Variants in ELMO2 observed in about 807,000 individuals in gnomAD.
ELMO2 encodes the protein engulfment and cell motility protein 2.
ELMO2 carries 37 observed loss-of-function variants against 96.2 expected under a neutral mutation model. The ratio of observed to expected loss-of-function variants is 0.38; its 90% CI spans 0.30 to 0.51. ELMO2 has a LOEUF of 0.51. ELMO2 is among the 20% of genes least tolerant of loss of function. The probability of loss-of-function intolerance (pLI) is 0.88; values close to 1 mark genes in which losing one functional copy is unlikely to be tolerated. For synonymous variants in ELMO2, 315 were observed against 329.4 expected (o/e 0.96, Z 0.47); for missense variants, 561 against 912.6 (o/e 0.61, Z 4.96).
At chr20:46,383,279 G>T in intron 10 of ELMO2, 137 bp downstream of exon 10, 1 of 907,232 alleles carries the variant, frequency 1.1e-6, no homozygotes, top group African/African-American at 1.6e-5. Context: ...ACCCTCCTGG[G>T]CTCCAGACCA....
Position 46,389,075 on chromosome 20 carries a change from G to T in ELMO2, c.389C>A (p.Thr130Lys). ...CTTGGTTCCACTTTCCACGAGCCTTGTCAGCACAATGATGCCATCCATGTT... is the reference window on the plus strand; with the variant it reads ...CTTGGTTCCACTTTCCACGAGCCTTTTCAGCACAATGATGCCATCCATGTT... ...FINMDGIIVLTRLVESGTKLL... is the reference protein window; with the variant it reads ...FINMDGIIVLKRLVESGTKLL... Residue 130 changes from threonine to lysine, a missense_variant, in exon 7 of 22, where the codon ACA becomes AAA. Physicochemically the swap from Thr to Lys is moderately conservative, Grantham distance 78. Coordinates refer to ENST00000290246, the MANE Select transcript of ELMO2 (RefSeq NM_133171.5). The T allele has an allele frequency of 3.1e-6, 5 of 1,614,124 alleles. No homozygotes were observed. Among genetic ancestry groups the T allele is most frequent in the Non-Finnish European group, 4.2e-6 (5 of 1,180,004 alleles).
chr20:46,379,116 C>T (rs1309667865), intron 11 of ELMO2, among the ~76,000 whole-genome samples: 1 of 152,042 alleles, frequency 6.6e-6, no homozygotes, highest in Non-Finnish European at 1.5e-5. Context: ...GCCTCAGCCT[C>T]CTGAGTAGCT....
intron 8 of ELMO2, among the ~76,000 whole-genome samples, chr20:46,387,009 GAAGA>G (rs1434799174): frequency 1.3e-5 from 2 of 152,108 alleles, no homozygotes; most frequent in African/African-American, 4.8e-5. Context: ...TATACAAAAA[GAAGA>G]GAGAGCTCAG....
chr20:46,398,904 TA>T (rs2060291594), intron 1 of ELMO2, 133 bp from the exon 2 acceptor site: 1 of 152,254 alleles, frequency 6.6e-6, no homozygotes, highest in Non-Finnish European at 1.5e-5. Context: ...CTCTATATAA[TA>T]CTTCCTTAGA....
At chr20:46,391,516 G>T (rs879420399) in intron 6 of ELMO2, among the ~76,000 whole-genome samples, 2 of 152,158 alleles carry the variant, frequency 1.3e-5, no homozygotes, top group Non-Finnish European at 2.9e-5. Flanking sequence ...ACCAAGAAAA[G>T]AAGTGCCATC....
chr20:46,367,355 C>A lies in ELMO2; in HGVS notation c.*5G>T. ...TCCTGGGTACCGTCGTTTCTGGCTC[C>A]AGGCTCAGCCATAGTGATAGACAAA... On this transcript the variant is annotated 3_prime_UTR_variant, in exon 22 of 22. Coordinates refer to ENST00000290246, the MANE Select transcript of ELMO2 (RefSeq NM_133171.5). The A allele has an allele frequency of 6.6e-7, 1 of 1,508,676 alleles. No homozygotes were observed. The highest frequency in any genetic ancestry group is 1.3e-5 in the South Asian group (1 of 77,046). The allele number at this position is 1,508,676 out of a possible 1,614,324, so 93.5% of individuals were successfully genotyped here.
chr20:46,403,387 C>G (rs1025534877), intron 1 of ELMO2, among the ~76,000 whole-genome samples: 22 of 152,222 alleles, frequency 1.4e-4, no homozygotes, highest in African/African-American at 5.1e-4. Context: ...TTTCTAGTGA[C>G]TCACATGAAA....
At position 46,375,610 on chromosome 20, in the gene ELMO2, G is replaced by C. The variant is rs572535309; in HGVS notation, c.930+58C>G. On this transcript the variant is annotated intron_variant, in intron 12 of 21. Transcript: ENST00000290246. This position sits in a 1 kb window ranked among gnomAD's most constrained non-coding sequence, Gnocchi z 4.6. ...GACCAAGCACAGTGCCTGGCACATA[G>C]ACTAAGGCTGGACTGCACCACAGCC... 2.5e-6 allele frequency: 4 copies of C among 1,609,896 alleles called. No individual in the cohort carries two copies. In the East Asian group the frequency reaches 6.7e-5, roughly 27 times the overall value.
At chr20:46,393,874 A>T (rs2060200253) in intron 4 of ELMO2, 175 bp downstream of exon 4, 3 of 900,756 alleles carry the variant, frequency 3.3e-6, no homozygotes, top group Admixed American at 5.5e-5. Context: ...AAGAAGTATA[A>T]ACGTCTTAGG....
chr20:46,405,605 C>A (rs1044675780), intron 1 of ELMO2, among the ~76,000 whole-genome samples: 1 of 152,094 alleles, frequency 6.6e-6, no homozygotes, highest in Non-Finnish European at 1.5e-5. Context: ...CTGCATTTCT[C>A]GGCTGGGCGC....
intron 6 of ELMO2, among the ~76,000 whole-genome samples, chr20:46,390,341 C>A (rs909878019): frequency 6.6e-6 from 1 of 152,126 alleles, no homozygotes; most frequent in Admixed American, 6.5e-5. Flanking sequence ...TCTAAGGTCC[C>A]TTTTAATCCT....
At chr20:46,399,012 ATGT>A (rs2060293402) in intron 1 of ELMO2, among the ~76,000 whole-genome samples, 1 of 152,218 alleles carries the variant, frequency 6.6e-6, no homozygotes, top group Non-Finnish European at 1.5e-5. Flanking sequence ...GCTGTGTGGT[ATGT>A]TATTATCCCC....
At chr20:46,395,354 C>T (rs1427397237) in intron 2 of ELMO2, among the ~76,000 whole-genome samples, 3 of 152,200 alleles carry the variant, frequency 2.0e-5, no homozygotes, top group Admixed American at 2.0e-4. Flanking sequence ...CAAGCAGTAA[C>T]TAAAGCATTC....
At chr20:46,405,359 G>A (rs896094453) in intron 1 of ELMO2, among the ~76,000 whole-genome samples, 3 of 152,172 alleles carry the variant, frequency 2.0e-5, no homozygotes, top group African/African-American at 7.2e-5. Flanking sequence ...AGGAAGAGCA[G>A]ACCAGGGAGG....
Position 46,375,408 on chromosome 20 carries a change from T to A in ELMO2, c.931-38A>T. 6.2e-7 allele frequency: 1 copy of A among 1,607,936 alleles called. No homozygotes were observed. Among genetic ancestry groups the A allele is most frequent in the South Asian group, 1.1e-5 (1 of 90,792 alleles). ...ACAGACAGTCAGCAGGTGAATCGGC[T>A]AACCAAGGGAGCAAGGAAAAGAAAC... On this transcript the variant is annotated intron_variant, in intron 12 of 21. Coordinates refer to ENST00000290246, the MANE Select transcript of ELMO2 (RefSeq NM_133171.5). This position sits in a 1 kb window ranked among gnomAD's most constrained non-coding sequence, Gnocchi z 4.6.
chr20:46,375,407 C>A lies in ELMO2; in HGVS notation c.931-37G>T. 1 of 1,609,554 alleles carries A rather than the reference C, an allele frequency of 6.2e-7. No homozygotes were observed. The highest frequency in any genetic ancestry group is 1.7e-5 in the Admixed American group (1 of 59,702). On this transcript the variant is annotated intron_variant, in intron 12 of 21. Transcript: ENST00000290246. This position sits in a 1 kb window ranked among gnomAD's most constrained non-coding sequence, Gnocchi z 4.6. ...AACAGACAGTCAGCAGGTGAATCGG[C>A]TAACCAAGGGAGCAAGGAAAAGAAA...
intron 7 of ELMO2, among the ~76,000 whole-genome samples, chr20:46,388,236 T>C (rs946215931): frequency 2.6e-5 from 4 of 152,212 alleles, no homozygotes; most frequent in African/African-American, 7.2e-5. Context: ...TGGGAGACTG[T>C]AGAACTATGT....
intron 6 of ELMO2, 49 bp downstream of exon 6, chr20:46,393,044 A>C (rs374602005): frequency 1.5e-5 from 23 of 1,538,822 alleles, no homozygotes; most frequent in Non-Finnish European, 1.8e-5. Context: ...GTAGGTGCTC[A>C]TATTTGTTTG....
At chr20:46,404,435 T>C (rs2060389928) in intron 1 of ELMO2, among the ~76,000 whole-genome samples, 1 of 152,172 alleles carries the variant, frequency 6.6e-6, no homozygotes, top group African/African-American at 2.4e-5. Flanking sequence ...CCACATCAGA[T>C]ATATAGAAAG....
Sources: gnomAD v4.1 joint callset for allele counts (sites outside exome capture counted in the v4.1 genomes callset) on GRCh38, gnomAD v4.1.1 for gene constraint, Gnocchi (gnomAD v3.1) non-coding constraint, MANE v1.5 for transcripts, NCBI Gene and HGNC (gene_info 2026-07-23, HGNC 2026-07-21) for gene names.